WDFY4: variants seen among roughly 807,000 people sequenced by gnomAD.
WDFY4 encodes WDFY family member 4.
In WDFY4, 169 loss-of-function variants were observed where a neutral mutation model predicts 351.9. The observed-to-expected ratio is 0.48, with a 90% CI of 0.42 to 0.55. WDFY4 has a LOEUF of 0.55. WDFY4 is among the 20% of genes least tolerant of loss of function. The pLI is 0.00. For missense variants in WDFY4, 3,803 were observed against 3,935.6 expected, an observed-to-expected ratio of 0.97 and a Z score of 0.90; for synonymous variants, 1,622 against 1,574.6, an observed-to-expected ratio of 1.03 and a Z score of -0.71.
chr10:48,866,378 T>A (rs902851639), intron 39 of WDFY4, among the ~76,000 whole-genome samples: 2 of 152,230 alleles, frequency 1.3e-5, no homozygotes, highest in African/African-American at 4.8e-5. Flanking sequence ...ACACTTATTT[T>A]TGAGTTTGCC....
intron 32 of WDFY4, among the ~76,000 whole-genome samples, chr10:48,819,899 TTTA>T (rs1204782757): frequency 6.6e-6 from 1 of 152,142 alleles, no homozygotes; most frequent in Non-Finnish European, 1.5e-5. Flanking sequence ...TCAGATGGTT[TTTA>T]TTGTCTCTAT....
intron 13 of WDFY4, among the ~76,000 whole-genome samples, chr10:48,762,024 A>C (rs2065523062): frequency 6.6e-6 from 1 of 152,216 alleles, no homozygotes; most frequent in Non-Finnish European, 1.5e-5. Context: ...CTATACATAG[A>C]AGTGGCTTCC....
At chr10:48,785,081 C>T (rs1196123229) in intron 19 of WDFY4, among the ~76,000 whole-genome samples, 5 of 151,938 alleles carry the variant, frequency 3.3e-5, no homozygotes, top group South Asian at 2.1e-4. Flanking sequence ...AGGATGGTCT[C>T]GATCTCCTGA....
chr10:48,928,449 C>A lies in WDFY4; in HGVS notation c.7587-13357C>A, dbSNP rs57476749. The stretch of plus-strand genomic sequence containing the variant: ...AGCATGGATGGGACCACACAACTGA[C>A]CAAATGGGGAACCTGGACTCCAGGT... On this transcript the variant is annotated intron_variant, in intron 47 of 61. Coordinates refer to ENST00000325239, the MANE Select transcript of WDFY4 (RefSeq NM_001394531.1). Among the ~76,000 whole-genome samples, 843 of 149,840 alleles carry A rather than the reference C, an allele frequency of 5.6e-3. 12 individuals carry two copies. Among genetic ancestry groups the A allele is most frequent in the African/African-American group, 0.02 (807 of 40,858 alleles).
chr10:48,964,063 T>A lies in WDFY4; in HGVS notation c.8436+9T>A. The A allele has an allele frequency of 1.3e-6, 2 of 1,549,536 alleles. No individual in the cohort carries two copies. The highest frequency in any genetic ancestry group is 1.7e-6 in the Non-Finnish European group (2 of 1,146,782). On this transcript the variant is annotated intron_variant, in intron 54 of 61. Coordinates refer to ENST00000325239, the MANE Select transcript of WDFY4 (RefSeq NM_001394531.1). ...GACAGGTGCCCAAACAGGTACAGCATGCCTTGTCATTTGCCTTGCTTTCTC... is the reference window on the plus strand; with the variant it reads ...GACAGGTGCCCAAACAGGTACAGCAAGCCTTGTCATTTGCCTTGCTTTCTC...
intron 1 of WDFY4, among the ~76,000 whole-genome samples, chr10:48,690,701 C>T (rs1428433032): frequency 6.6e-6 from 1 of 152,154 alleles, no homozygotes; most frequent in African/African-American, 2.4e-5. Flanking sequence ...AGCTGGTCCT[C>T]CTATAATCTT....
intron 43 of WDFY4, 26 bp from the exon 44 acceptor site, chr10:48,890,553 C>G (rs1244809129): frequency 1.4e-5 from 21 of 1,551,342 alleles, no homozygotes; most frequent in Non-Finnish European, 1.8e-5. Flanking sequence ...TGTGCACCAC[C>G]TGACTCTGCC....
chr10:48,931,397 C>T (rs771241233), intron 47 of WDFY4, among the ~76,000 whole-genome samples: 20 of 152,182 alleles, frequency 1.3e-4, no homozygotes, highest in Admixed American at 4.6e-4. Context: ...CCCAAGGCAG[C>T]CGTTCCTGTT....
At chr10:48,981,259 C>A in intron 60 of WDFY4, 108 bp from the exon 61 acceptor site, 1 of 919,350 alleles carries the variant, frequency 1.1e-6, no homozygotes, top group Non-Finnish European at 1.7e-6. Flanking sequence ...AGTTGCTGAC[C>A]ACAAATATAA....
intron 1 of WDFY4, among the ~76,000 whole-genome samples, chr10:48,692,288 G>A (rs1359893157): frequency 6.6e-6 from 1 of 152,222 alleles, no homozygotes; most frequent in Non-Finnish European, 1.5e-5. Context: ...ACACCTGTGG[G>A]CCTGTGGGCC....
Position 48,876,570 on chromosome 10 carries a change from G to A in WDFY4, c.7001-463G>A, listed in dbSNP as rs539177815. Among the ~76,000 whole-genome samples, 11 of 151,276 alleles carry A rather than the reference G, an allele frequency of 7.3e-5. No homozygotes were observed. In the East Asian group the frequency reaches 2.1e-3, roughly 30 times the overall value. On this transcript the variant is annotated intron_variant, in intron 42 of 61. Transcript: ENST00000325239. ...ATCTCTGGGTGCATGGGTGAGATTT[G>A]TTTTATTTCTCACAACTTCATATCT...
chr10:48,925,297 C>T (rs994991871), intron 47 of WDFY4, among the ~76,000 whole-genome samples: 3 of 152,142 alleles, frequency 2.0e-5, no homozygotes, highest in East Asian at 1.9e-4. Flanking sequence ...TAAAGAGAGG[C>T]GGGGCTGTAT....
intron 6 of WDFY4, among the ~76,000 whole-genome samples, 191 bp from the exon 7 acceptor site, chr10:48,727,279 C>T (rs2064301784): frequency 6.6e-6 from 1 of 152,200 alleles, no homozygotes; most frequent in African/African-American, 2.4e-5. Flanking sequence ...GCTGGGCTTG[C>T]AGAGTGCAGC....
intron 31 of WDFY4, among the ~76,000 whole-genome samples, 156 bp from the exon 32 acceptor site, chr10:48,817,089 T>C (rs1167591667): frequency 6.6e-6 from 1 of 152,248 alleles, no homozygotes; most frequent in Non-Finnish European, 1.5e-5. Flanking sequence ...CCTTCCTCAA[T>C]TGGACACTAG....
chr10:48,945,575 G>T (rs903778760), intron 49 of WDFY4, among the ~76,000 whole-genome samples: 3 of 152,144 alleles, frequency 2.0e-5, no homozygotes, highest in Non-Finnish European at 2.9e-5. Flanking sequence ...TGCTTTCACT[G>T]CCCAGAAAGG....
At chr10:48,805,468 T>A (rs1589654167) in intron 26 of WDFY4, 47 bp downstream of exon 26, 1 of 1,532,436 alleles carries the variant, frequency 6.5e-7, no homozygotes, top group East Asian at 2.5e-5. Context: ...CCCAGGGCTG[T>A]TTAAAAAGGG....
chr10:48,733,105 T>C (rs1485846112), intron 9 of WDFY4, among the ~76,000 whole-genome samples: 1 of 152,258 alleles, frequency 6.6e-6, no homozygotes, highest in Non-Finnish European at 1.5e-5. Flanking sequence ...TTCTGTCTTA[T>C]CTTAGCTGGT....
intron 47 of WDFY4, among the ~76,000 whole-genome samples, chr10:48,912,183 C>G (rs552564732): frequency 6.6e-6 from 1 of 152,358 alleles, no homozygotes; most frequent in South Asian, 2.1e-4. Context: ...TGGTTGCTGT[C>G]ATTTTCTACC....
At chr10:48,811,420 A>C (rs2067441659) in intron 29 of WDFY4, 119 bp from the exon 30 acceptor site, 1 of 830,972 alleles carries the variant, frequency 1.2e-6, no homozygotes, top group Non-Finnish European at 1.9e-6. Context: ...AATATATTTT[A>C]TCATCCAGCA....
Sources: gnomAD v4.1 joint callset for allele counts (sites outside exome capture counted in the v4.1 genomes callset) on GRCh38, gnomAD v4.1.1 for gene constraint, MANE v1.5 for transcripts, NCBI Gene and HGNC (gene_info 2026-07-23, HGNC 2026-07-21) for gene names.